The following TMEM145 variants were observed in gnomAD, a reference collection of about 807,000 sequenced individuals.
The protein encoded by TMEM145 is transmembrane protein 145.
Under a neutral mutation model 68.5 loss-of-function variants are expected in TMEM145, and 46 were observed. That is an observed-to-expected ratio of 0.67 (90% CI 0.53 to 0.86). TMEM145 has a LOEUF of 0.86. Ranked by LOEUF, TMEM145 falls within the 40% of genes least tolerant of loss-of-function variation. The pLI, the probability that TMEM145 is intolerant of heterozygous loss-of-function variation, is 0.00. For missense variants in TMEM145, 570 were observed against 645.8 expected (o/e 0.88, Z 1.27); for synonymous variants, 255 against 280.2 (o/e 0.91, Z 0.90).
intron 14 of TMEM145, 70 bp downstream of exon 14, chr19:42,323,859 GCCCCGCCGC>G: frequency 7.1e-7 from 1 of 1,402,178 alleles, no homozygotes; most frequent in South Asian, 1.2e-5. Context: ...CCCGCTCCCG[GCCCCGCCGC>G]CGCCCCCAGC....
rs751803295 is a variant in TMEM145, at chr19:42,321,386, G to GTTT, written c.1194+968_1194+970dup. The GTTT allele has an allele frequency of 6.1e-3, 982 of 159,704 alleles. 25 individuals are homozygous for GTTT. Among genetic ancestry groups the GTTT allele is most frequent in the African/African-American group, 0.027 (729 of 26,872 alleles). The allele number at this position is 159,704 out of a possible 1,614,324, so 9.9% of individuals were successfully genotyped here. A position where few individuals can be genotyped will look rare whatever the true frequency, so the allele number is the denominator to read the frequency against. On this transcript the variant is annotated intron_variant, in intron 13 of 14. Transcript: ENST00000301204. ...GCACGCCACCATGCCCGGTTAAGTGGTTTTTTTTTTTTTTTTTTTTTGAGA... is the reference window on the plus strand; with the variant it reads ...GCACGCCACCATGCCCGGTTAAGTGGTTTTTTTTTTTTTTTTTTTTTTTTGAGA...
chr19:42,315,443 G>A lies in TMEM145; in HGVS notation c.646+3G>A, dbSNP rs763275371. 4.0e-5 allele frequency: 65 copies of A among 1,613,980 alleles called. No homozygotes were observed. Among genetic ancestry groups the A allele is most frequent in the Non-Finnish European group, 4.2e-5 (49 of 1,180,028 alleles). The stretch of plus-strand genomic sequence containing the variant: ...CATGGCCGCAGCAGGAGTAGAGGGT[G>A]AGGTTCCGTGTCCCAACTTTTGGGT... On this transcript the variant is annotated splice_donor_region_variant and intron_variant, in intron 8 of 14. Coordinates refer to ENST00000301204, the MANE Select transcript of TMEM145 (RefSeq NM_173633.3).
In TMEM145 at chr19:42,313,725, G is replaced by A. The variant is rs1413671265; in HGVS notation, c.120+229G>A. Among the ~76,000 whole-genome samples, 7 of 152,096 alleles carry A rather than the reference G, an allele frequency of 4.6e-5. No homozygotes were observed. The highest frequency in any genetic ancestry group is 1.0e-4 in the Non-Finnish European group (7 of 68,006). ...TAGGAGGGACGTTGAGGTCAGAGCT[G>A]AGCGGGGAGGGGGAGCGGGTTGGGA... On this transcript the variant is annotated intron_variant, in intron 1 of 14. Transcript: ENST00000301204. This position sits in a 1 kb window ranked among gnomAD's most constrained non-coding sequence, Gnocchi z 5.1.
chr19:42,315,618 TG>T (rs1263946325), intron 8 of TMEM145, among the ~76,000 whole-genome samples, 178 bp downstream of exon 8: 1 of 42,812 alleles, frequency 2.3e-5, no homozygotes, highest in Non-Finnish European at 4.4e-5. Flanking sequence ...TCCTGGGTCC[TG>T]GGGGAGAAGG....
At chr19:42,324,573 C>T (rs1056942117) in intron 14 of TMEM145, 164 bp from the exon 15 acceptor site, 5 of 985,192 alleles carry the variant, frequency 5.1e-6, no homozygotes, top group Non-Finnish European at 4.8e-6. Flanking sequence ...GGGCCCCGGC[C>T]GGGCTCCGGA....
intron 14 of TMEM145, chr19:42,324,313 G>A (rs890638786): frequency 3.0e-6 from 3 of 985,168 alleles, no homozygotes; most frequent in Non-Finnish European, 2.4e-6. Flanking sequence ...CGGTGGCGGC[G>A]GCGGTGGCCC....
intron 13 of TMEM145, 89 bp from the exon 14 acceptor site, chr19:42,323,494 C>A: frequency 7.7e-7 from 1 of 1,304,766 alleles, no homozygotes; most frequent in Non-Finnish European, 1.1e-6. Flanking sequence ...TGGATGTCAA[C>A]TGAAAGGGAA....
At position 42,320,357 on chromosome 19, in the gene TMEM145, G is replaced by A. The variant is rs370100137; in HGVS notation, c.1114G>A (p.Gly372Ser). The A allele has an allele frequency of 2.0e-5, 33 of 1,613,972 alleles. No individual in the cohort carries two copies. The highest frequency in any genetic ancestry group is 4.4e-5 in the South Asian group (4 of 91,080). Residue 372 changes from glycine to serine, a missense_variant, in exon 13 of 15, where the codon GGC becomes AGC. Physicochemically the swap from Gly to Ser is moderately conservative, Grantham distance 56 (BLOSUM62 0). Coordinates refer to ENST00000301204, the MANE Select transcript of TMEM145 (RefSeq NM_173633.3). ...TGTCATGGCCCTGATTGCCAATTTC[G>A]GCATCCCCAAGTGGGCCCGGGAGAA... ...VPVMALIANF[G>S]IPKWAREKIV... is the part of the protein sequence containing the mutation.
chr19:42,321,385 G>GTT (rs2038910365), intron 13 of TMEM145: 2 of 292,410 alleles, frequency 6.8e-6, no homozygotes, highest in African/African-American at 2.5e-5. Flanking sequence ...CCGGTTAAGT[G>GTT]GTTTTTTTTT....
At chr19:42,316,447 T>C in intron 8 of TMEM145, 34 bp from the exon 9 acceptor site, 1 of 1,603,302 alleles carries the variant, frequency 6.2e-7, no homozygotes, top group East Asian at 2.2e-5. Flanking sequence ...AGAGCTGCTT[T>C]CTATCCTTTC....
intron 11 of TMEM145, among the ~76,000 whole-genome samples, chr19:42,317,346 G>A (rs1050504756): frequency 6.6e-6 from 1 of 152,154 alleles, no homozygotes; most frequent in African/African-American, 2.4e-5. Flanking sequence ...ACCCCATGGA[G>A]CCCCTCTAAG....
At chr19:42,317,176 C>T (rs2038867912) in intron 11 of TMEM145, among the ~76,000 whole-genome samples, 1 of 152,238 alleles carries the variant, frequency 6.6e-6, no homozygotes, top group Non-Finnish European at 1.5e-5. Flanking sequence ...CTGTCTCTCA[C>T]TGTCTGTCAC....
At chr19:42,314,007 C>G (rs1034784864) in intron 1 of TMEM145, among the ~76,000 whole-genome samples, 2 of 151,810 alleles carry the variant, frequency 1.3e-5, no homozygotes, top group South Asian at 4.2e-4. Context: ...AGGTCTTTCT[C>G]CCCAGAAAGA....
rs1390457779 is a variant in TMEM145 at position 42,320,308 on chromosome 19, C to A, written c.1074-9C>A. On this transcript the variant is annotated splice_polypyrimidine_tract_variant and intron_variant, in intron 12 of 14. Coordinates refer to ENST00000301204, the MANE Select transcript of TMEM145 (RefSeq NM_173633.3). ...CAGTGTCTCTACTGACCCAATACTT[C>A]CCCTTCAGGTTCTTTGCGGTTCCTG... is the stretch of plus-strand genomic sequence containing the variant. 6.2e-7 allele frequency: 1 copy of A among 1,613,676 alleles called. No homozygotes were observed. Among genetic ancestry groups the A allele is most frequent in the East Asian group, 2.2e-5 (1 of 44,898 alleles).
In TMEM145 at chr19:42,316,926, C is replaced by T. The variant is rs1334253252; in HGVS notation, c.863C>T (p.Thr288Met). ...VKLSVYMTLY[T>M]LTHVVLLIYE... ...TTGTCTGTCTACATGACCCTGTACA[C>T]GCTCACCCATGTGGTGCTGCTCATC... is the stretch of plus-strand genomic sequence containing the variant. The change falls in exon 11 of 15, where the codon ACG becomes ATG. Residue 288 changes from threonine to methionine, a missense_variant. Transcript: ENST00000301204. 5.0e-6 allele frequency: 8 copies of T among 1,613,700 alleles called. No individual in the cohort carries two copies. Among genetic ancestry groups the T allele is most frequent in the Non-Finnish European group, 5.9e-6 (7 of 1,179,970 alleles).
chr19:42,319,163 C>T (rs2038888318), intron 12 of TMEM145, among the ~76,000 whole-genome samples: 1 of 152,150 alleles, frequency 6.6e-6, no homozygotes, highest in Non-Finnish European at 1.5e-5. Context: ...TTCACCATAA[C>T]ATAGCAATAA....
chr19:42,315,502 G>C, intron 8 of TMEM145, 62 bp downstream of exon 8: 2 of 1,566,174 alleles, frequency 1.3e-6, no homozygotes, highest in Middle Eastern at 1.8e-4. Flanking sequence ...CCAGACACCT[G>C]GGCCTAAGAG....
rs368868723 is a variant in TMEM145 at position 42,317,703 on chromosome 19, G to T, written c.901-6G>T. ...GGCTGTGATGGACCCTCTCCTGCGGGTCTAGTTCTTTGACCCAGGCCAGGT... is the reference window on the plus strand; with the variant it reads ...GGCTGTGATGGACCCTCTCCTGCGGTTCTAGTTCTTTGACCCAGGCCAGGT... On this transcript the variant is annotated splice_polypyrimidine_tract_variant and splice_region_variant and intron_variant, in intron 11 of 14. Transcript: ENST00000301204. The T allele has an allele frequency of 6.2e-7, 1 of 1,614,060 alleles. No individual in the cohort carries two copies. The highest frequency in any genetic ancestry group is 8.5e-7 in the Non-Finnish European group (1 of 1,179,956).
chr19:42,324,707 G>A (rs2038953762), intron 14 of TMEM145, 30 bp from the exon 15 acceptor site: 9 of 1,432,330 alleles, frequency 6.3e-6, no homozygotes, highest in Non-Finnish European at 8.2e-6. Flanking sequence ...ACGGTCCCGC[G>A]GGAGCCGCTC....
Sources: allele counts gnomAD v4.1 joint callset (sites outside exome capture counted in the v4.1 genomes callset), GRCh38; gene constraint gnomAD v4.1.1; non-coding constraint Gnocchi (gnomAD v3.1); transcripts MANE v1.5; gene names NCBI Gene and HGNC (gene_info 2026-07-23, HGNC 2026-07-21).